Variants in ZDHHC14 observed in about 807,000 individuals in gnomAD.
The protein encoded by ZDHHC14 is palmitoyltransferase ZDHHC14.
ZDHHC14 carries 16 observed loss-of-function variants against 47.7 expected under a neutral mutation model. The ratio of observed to expected loss-of-function variants is 0.34; its 90% CI spans 0.23 to 0.51. The LOEUF (loss-of-function observed/expected upper bound fraction) is 0.51, where lower values mean the gene tolerates loss of function less well. Ranked by LOEUF, ZDHHC14 falls within the 20% of genes least tolerant of loss-of-function variation. ZDHHC14 has a pLI of 0.97. For missense variants in ZDHHC14, 515 were observed against 662.5 expected (o/e 0.78, Z 2.44); for synonymous variants, 293 against 278.9 (o/e 1.05, Z -0.50).
chr6:157,662,765 A>C (rs1282886206), intron 8 of ZDHHC14, among the ~76,000 whole-genome samples: 1 of 152,266 alleles, frequency 6.6e-6, no homozygotes, highest in Non-Finnish European at 1.5e-5. Flanking sequence ...TGTCATGGAC[A>C]TTCAAGCCAT....
chr6:157,542,770 C>T (rs1235188348), intron 2 of ZDHHC14, 25 bp downstream of exon 2: 1 of 1,609,848 alleles, frequency 6.2e-7, no homozygotes, highest in Admixed American at 1.7e-5. Flanking sequence ...CTGCCCATGG[C>T]CTCTGGTCAC....
intron 1 of ZDHHC14, among the ~76,000 whole-genome samples, chr6:157,477,486 C>G (rs1158792657): frequency 6.6e-6 from 1 of 152,194 alleles, no homozygotes; most frequent in African/African-American, 2.4e-5. Context: ...ACTGTTAACA[C>G]TTTTGATTTT....
At chr6:157,603,728 T>A (rs1784424611) in intron 3 of ZDHHC14, among the ~76,000 whole-genome samples, 1 of 152,178 alleles carries the variant, frequency 6.6e-6, no homozygotes, top group Non-Finnish European at 1.5e-5. Context: ...GGGCGTTGGT[T>A]CAGGTTCAGG....
chr6:157,604,361 A>G (rs975405788), intron 3 of ZDHHC14, among the ~76,000 whole-genome samples: 10 of 151,958 alleles, frequency 6.6e-5, no homozygotes, highest in Non-Finnish European at 4.4e-5. Flanking sequence ...CTATATGCAA[A>G]CACTACTCCA....
At chr6:157,406,278 A>G (rs887818795) in intron 1 of ZDHHC14, among the ~76,000 whole-genome samples, 10 of 152,174 alleles carry the variant, frequency 6.6e-5, no homozygotes, top group African/African-American at 2.4e-4. Context: ...GGTTGAAAGG[A>G]TTTGAAAGTC....
intron 3 of ZDHHC14, among the ~76,000 whole-genome samples, chr6:157,601,906 T>G (rs1002784596): frequency 2.0e-5 from 3 of 152,222 alleles, no homozygotes; most frequent in African/African-American, 7.2e-5. Flanking sequence ...AAGGCAGAGA[T>G]AAAGAATGCA....
intron 1 of ZDHHC14, among the ~76,000 whole-genome samples, chr6:157,404,901 T>G (rs1043401268): frequency 6.6e-6 from 1 of 152,218 alleles, no homozygotes; most frequent in Non-Finnish European, 1.5e-5. Context: ...TAAGAGTTAA[T>G]GAATGGATTC....
intron 8 of ZDHHC14, among the ~76,000 whole-genome samples, chr6:157,666,691 A>G (rs923483483): frequency 6.6e-5 from 10 of 152,336 alleles, no homozygotes; most frequent in African/African-American, 2.2e-4. Context: ...GAAAGCTCCT[A>G]GTTTTGCTTT....
rs761763320 is a variant in ZDHHC14, at chr6:157,582,873, G to A, written c.407-10115G>A. Among the ~76,000 whole-genome samples, 9 of 151,936 alleles carry A rather than the reference G, an allele frequency of 5.9e-5. No homozygotes were observed. Among genetic ancestry groups the A allele is most frequent in the Admixed American group, 2.0e-4 (3 of 15,236 alleles). On this transcript the variant is annotated intron_variant, in intron 2 of 8. Transcript: ENST00000359775. The surrounding 1 kb of genome is among the most constrained non-coding windows in gnomAD (Gnocchi z 4.3). ...TCTCTTTCAGGAACACCAATGAGTCGCTGATTTGGTCTCTTTACATAAGCC... is the reference window on the plus strand; with the variant it reads ...TCTCTTTCAGGAACACCAATGAGTCACTGATTTGGTCTCTTTACATAAGCC...
In ZDHHC14 at chr6:157,464,774, G is replaced by T. The variant is rs538696032; in HGVS notation, c.246-77811G>T. ...GGTTGACTTGGTTCAGCTGGGCGTT[G>T]TCTGGTTAGGCCATTTCATGCAGCT... is the stretch of plus-strand genomic sequence containing the variant. On this transcript the variant is annotated intron_variant, in intron 1 of 8. Coordinates refer to ENST00000359775, the MANE Select transcript of ZDHHC14 (RefSeq NM_024630.3). Among the ~76,000 whole-genome samples, 4 of 152,342 alleles carry T rather than the reference G, an allele frequency of 2.6e-5. No individual in the cohort carries two copies. In the South Asian group the frequency reaches 8.3e-4, roughly 32 times the overall value.
At chr6:157,428,634 C>A (rs1778273379) in intron 1 of ZDHHC14, among the ~76,000 whole-genome samples, 1 of 151,214 alleles carries the variant, frequency 6.6e-6, no homozygotes, top group Non-Finnish European at 1.5e-5. Flanking sequence ...CCCGCCCCAC[C>A]CCGCCCCTAG....
chr6:157,414,472 T>G (rs1163184169), intron 1 of ZDHHC14, among the ~76,000 whole-genome samples: 1 of 152,206 alleles, frequency 6.6e-6, no homozygotes, highest in African/African-American at 2.4e-5. Context: ...CATTCTGCAT[T>G]GGCTCATGCT....
intron 3 of ZDHHC14, among the ~76,000 whole-genome samples, chr6:157,594,402 G>T (rs1241085057): frequency 6.6e-6 from 1 of 152,140 alleles, no homozygotes; most frequent in East Asian, 1.9e-4. Context: ...ATGGGATCTG[G>T]CACTGCATGG....
At chr6:157,389,599 T>C (rs1262194626) in intron 1 of ZDHHC14, among the ~76,000 whole-genome samples, 2 of 152,208 alleles carry the variant, frequency 1.3e-5, no homozygotes, top group African/African-American at 2.4e-5. Flanking sequence ...ATATTTTTAG[T>C]ATTTCCTTTT....
At chr6:157,515,881 G>C (rs1780676615) in intron 1 of ZDHHC14, among the ~76,000 whole-genome samples, 1 of 152,138 alleles carries the variant, frequency 6.6e-6, no homozygotes, top group Non-Finnish European at 1.5e-5. Context: ...CATTTGTATA[G>C]ATGTGTAGTA....
intron 8 of ZDHHC14, among the ~76,000 whole-genome samples, chr6:157,661,245 GTGT>G (rs796562240): frequency 3.2e-4 from 49 of 152,344 alleles, no homozygotes; most frequent in African/African-American, 1.1e-3. Flanking sequence ...TTTGCTTCCT[GTGT>G]TGTTGGAGAA....
At chr6:157,602,290 T>G (rs796343800) in intron 3 of ZDHHC14, among the ~76,000 whole-genome samples, 9 of 151,730 alleles carry the variant, frequency 5.9e-5, no homozygotes, top group African/African-American at 2.2e-4. Context: ...GCCAGTCACT[T>G]GAGGTCAGGT....
chr6:157,547,579 T>C (rs1320437035), intron 2 of ZDHHC14, among the ~76,000 whole-genome samples: 2 of 149,786 alleles, frequency 1.3e-5, no homozygotes, highest in Non-Finnish European at 3.0e-5. Flanking sequence ...ATTGGAATTT[T>C]AACAACACTA....
intron 1 of ZDHHC14, among the ~76,000 whole-genome samples, chr6:157,437,449 G>A (rs1258009953): frequency 2.0e-5 from 3 of 152,178 alleles, no homozygotes; most frequent in Non-Finnish European, 4.4e-5. Flanking sequence ...CTCCAGCCTT[G>A]AACAGGTTTG....
Sources: gnomAD v4.1 joint callset for allele counts (sites outside exome capture counted in the v4.1 genomes callset) on GRCh38, gnomAD v4.1.1 for gene constraint, Gnocchi (gnomAD v3.1) non-coding constraint, MANE v1.5 for transcripts, NCBI Gene and HGNC (gene_info 2026-07-23, HGNC 2026-07-21) for gene names.